The following ZNG1E variants were observed in gnomAD, a reference collection of about 807,000 sequenced individuals.
The protein encoded by ZNG1E is zinc-regulated GTPase metalloprotein activator 1E.
At chr9:65,678,213 G>A in the ZNG1E span, among the ~76,000 whole-genome samples, 3 of 137,868 alleles carry the variant, frequency 2.2e-5, no homozygotes, top group Admixed American at 7.7e-5. Context: ...AAACACTCAT[G>A]TTCAGGGCCT....
At chr9:65,684,256 G>C in the ZNG1E span, among the ~76,000 whole-genome samples, 2 of 151,928 alleles carry the variant, frequency 1.3e-5, no homozygotes, top group Admixed American at 1.3e-4. Context: ...ACAAGTAAGG[G>C]CTGGGCATGG....
chr9:65,686,696 T>C, the ZNG1E span, among the ~76,000 whole-genome samples: 1 of 152,270 alleles, frequency 6.6e-6, no homozygotes, highest in African/African-American at 2.4e-5. Flanking sequence ...CTTTCACGAA[T>C]GATGTTAGCT....
chr9:65,713,612 T>G, the ZNG1E span, among the ~76,000 whole-genome samples: 1 of 150,642 alleles, frequency 6.6e-6, no homozygotes, highest in Non-Finnish European at 1.5e-5. Flanking sequence ...CCTTCACTTA[T>G]GAAGCTTAGT....
chr9:65,684,912 G>A, the ZNG1E span, among the ~76,000 whole-genome samples: 2 of 152,158 alleles, frequency 1.3e-5, no homozygotes, highest in African/African-American at 2.4e-5. Context: ...CGTTTTGGCC[G>A]GGTGTGATGT....
chr9:65,697,729 C>A, the ZNG1E span, among the ~76,000 whole-genome samples: 2 of 50,918 alleles, frequency 3.9e-5, no homozygotes, highest in Admixed American at 4.5e-4. Context: ...GGGATGTAAA[C>A]AGGATTATGA....
chr9:65,681,424 A>G, the ZNG1E span: 1 of 1,595,262 alleles, frequency 6.3e-7, no homozygotes, highest in African/African-American at 1.3e-5. Context: ...ACTGTAATTT[A>G]GATATCAAGG....
chr9:65,716,663 G>C, the ZNG1E span, among the ~76,000 whole-genome samples: 1 of 101,852 alleles, frequency 9.8e-6, no homozygotes, highest in Admixed American at 1.0e-4. Flanking sequence ...CATGTAGTTT[G>C]TAAAAAAAAA....
the ZNG1E span, among the ~76,000 whole-genome samples, chr9:65,672,415 T>A: frequency 6.6e-6 from 1 of 151,328 alleles, no homozygotes; most frequent in Non-Finnish European, 1.5e-5. Flanking sequence ...GCATTTTCAA[T>A]TTAACAATTT....
the ZNG1E span, chr9:65,703,763 C>G: frequency 1.0e-6 from 1 of 970,296 alleles, no homozygotes; most frequent in South Asian, 4.9e-5. Flanking sequence ...AGTGGCTTGT[C>G]TGCTATGGCA....
the ZNG1E span, among the ~76,000 whole-genome samples, chr9:65,714,255 T>C: frequency 2.0e-5 from 3 of 149,438 alleles, no homozygotes; most frequent in African/African-American, 7.6e-5. Context: ...TTATACATTC[T>C]TCAAAATTTT....
At chr9:65,666,269 C>T in the ZNG1E span, among the ~76,000 whole-genome samples, 3 of 150,292 alleles carry the variant, frequency 2.0e-5, no homozygotes, top group Non-Finnish European at 4.4e-5. Flanking sequence ...TGGGGGCAGG[C>T]CTTTCTCATG....
At chr9:65,703,720 C>G in the ZNG1E span, 2 of 968,412 alleles carry the variant, frequency 2.1e-6, no homozygotes, top group Non-Finnish European at 2.4e-6. Context: ...TTGAGAAATT[C>G]TTTCTTTGGA....
the ZNG1E span, among the ~76,000 whole-genome samples, chr9:65,668,429 T>C: frequency 4.3e-3 from 630 of 147,330 alleles, no homozygotes; most frequent in African/African-American, 0.015. Flanking sequence ...ACTTTTCTAC[T>C]GTTTGAATTT....
At chr9:65,668,523 A>G in the ZNG1E span, among the ~76,000 whole-genome samples, 10 of 150,692 alleles carry the variant, frequency 6.6e-5, no homozygotes, top group African/African-American at 1.7e-4. Context: ...ATATATATAT[A>G]TGTGTGTGTA....
the ZNG1E span, among the ~76,000 whole-genome samples, chr9:65,684,915 T>A: frequency 6.6e-6 from 1 of 152,168 alleles, no homozygotes; most frequent in Admixed American, 6.6e-5. Context: ...TTTGGCCGGG[T>A]GTGATGTGAC....
chr9:65,715,449 A>G, the ZNG1E span, among the ~76,000 whole-genome samples: 1 of 149,158 alleles, frequency 6.7e-6, no homozygotes, highest in Non-Finnish European at 1.5e-5. Flanking sequence ...ATAATGGATT[A>G]GTTTTCTGCC....
chr9:65,691,477 T>C, the ZNG1E span, among the ~76,000 whole-genome samples: 2 of 152,176 alleles, frequency 1.3e-5, no homozygotes, highest in African/African-American at 2.4e-5. Context: ...TTTCACACTT[T>C]AGTTTAATGA....
the ZNG1E span, among the ~76,000 whole-genome samples, chr9:65,658,328 G>C: frequency 1.1e-4 from 17 of 151,768 alleles, no homozygotes; most frequent in African/African-American, 4.1e-4. Context: ...AATAATAGTA[G>C]AATAAAAAAT....
chr9:65,664,493 T>C, the ZNG1E span, among the ~76,000 whole-genome samples: 1 of 91,274 alleles, frequency 1.1e-5, no homozygotes, highest in Non-Finnish European at 2.2e-5. Flanking sequence ...CCTTCCGCCA[T>C]GATTGTGAGG....
Sources: gnomAD v4.1 joint callset for allele counts (sites outside exome capture counted in the v4.1 genomes callset) on GRCh38, gnomAD v4.1.1 for gene constraint, MANE v1.5 for transcripts, NCBI Gene and HGNC (gene_info 2026-07-23, HGNC 2026-07-21) for gene names.